INPP5A: variants seen among roughly 807,000 people sequenced by gnomAD.
INPP5A encodes inositol polyphosphate-5-phosphatase A.
Under a neutral mutation model 65.2 loss-of-function variants are expected in INPP5A, and 14 were observed. The ratio of observed to expected loss-of-function variants is 0.21; its 90% CI spans 0.14 to 0.34. The LOEUF is 0.34. Ranked by LOEUF, INPP5A falls within the 10% of genes least tolerant of loss-of-function variation. The probability of loss-of-function intolerance (pLI) is 1.00; values close to 1 mark genes in which losing one functional copy is unlikely to be tolerated. For missense variants in INPP5A, 431 were observed against 545.6 expected (o/e 0.79, Z 2.09); for synonymous variants, 207 against 208.3 (o/e 0.99, Z 0.05).
intron 4 of INPP5A, among the ~76,000 whole-genome samples, chr10:132,661,323 A>G (rs1167403863): frequency 1.3e-5 from 2 of 152,206 alleles, no homozygotes; most frequent in African/African-American, 4.8e-5. Flanking sequence ...ACTAACATAA[A>G]AATATTTTGA....
In INPP5A at chr10:132,650,580, A is replaced by C. The variant is rs1183061287; in HGVS notation, c.306+75A>C. The C allele has an allele frequency of 1.9e-6, 2 of 1,078,640 alleles. No homozygotes were observed. Among genetic ancestry groups the C allele is most frequent in the South Asian group, 1.3e-5 (1 of 79,908 alleles). 66.8% of individuals were successfully genotyped at this position (1,078,640 alleles called of 1,614,324 possible). A position where few individuals can be genotyped will look rare whatever the true frequency, so the allele number is the denominator to read the frequency against. The stretch of plus-strand genomic sequence containing the variant: ...CAGAAGCCAGCCCTTCTCCTGTGTA[A>C]ATGGAGAGAGGTCGGGGTGCTCCCT... On this transcript the variant is annotated intron_variant, in intron 4 of 15. Transcript: ENST00000368594. This position sits in a 1 kb window ranked among gnomAD's most constrained non-coding sequence, Gnocchi z 5.5.
intron 2 of INPP5A, among the ~76,000 whole-genome samples, chr10:132,635,687 G>A (rs1429090679): frequency 6.6e-6 from 1 of 151,798 alleles, no homozygotes; most frequent in Non-Finnish European, 1.5e-5. Context: ...GAGCCATTGC[G>A]CCCGGCCCTT....
chr10:132,646,837 CGCTCTGTGGGTTGACGCTGCTGCCAT>C (rs1407164234), intron 3 of INPP5A, among the ~76,000 whole-genome samples: 2 of 152,168 alleles, frequency 1.3e-5, no homozygotes, highest in Non-Finnish European at 2.9e-5. Context: ...GCTGCTGCCA[CGCTCTGTGGGTTGACGCTGCTGCCAT>C]GCTCTGTGGG....
At chr10:132,656,119 T>C (rs948478930) in intron 4 of INPP5A, among the ~76,000 whole-genome samples, 1 of 152,268 alleles carries the variant, frequency 6.6e-6, no homozygotes, top group Non-Finnish European at 1.5e-5. Flanking sequence ...TGCCCAGGAC[T>C]GTCCTGACCG....
intron 2 of INPP5A, among the ~76,000 whole-genome samples, chr10:132,629,859 G>A (rs1002996013): frequency 6.6e-6 from 1 of 152,154 alleles, no homozygotes; most frequent in Non-Finnish European, 1.5e-5. Flanking sequence ...GTGTCCTCCA[G>A]GGGAAGCTGC....
At chr10:132,612,947 C>T (rs921786932) in intron 2 of INPP5A, among the ~76,000 whole-genome samples, 4 of 152,194 alleles carry the variant, frequency 2.6e-5, no homozygotes, top group African/African-American at 7.2e-5. Flanking sequence ...CCCGCGCATT[C>T]GGGTCTCTGC....
intron 4 of INPP5A, among the ~76,000 whole-genome samples, chr10:132,662,428 T>C (rs2072748711): frequency 6.6e-6 from 1 of 152,124 alleles, no homozygotes; most frequent in Non-Finnish European, 1.5e-5. Context: ...GAGGGGACAG[T>C]CTGTGTACAC....
chr10:132,661,813 T>C (rs1415407037), intron 4 of INPP5A, among the ~76,000 whole-genome samples: 3 of 152,238 alleles, frequency 2.0e-5, no homozygotes, highest in Admixed American at 2.0e-4. Flanking sequence ...ATCAGTATAG[T>C]ATTGGCATAA....
chr10:132,588,101 A>G (rs1306290320), intron 1 of INPP5A, among the ~76,000 whole-genome samples: 1 of 150,702 alleles, frequency 6.6e-6, no homozygotes, highest in Non-Finnish European at 1.5e-5. Flanking sequence ...CCCTTTTCCC[A>G]GTGGATTCAG....
chr10:132,756,190 CAT>C (rs919680543), intron 11 of INPP5A, among the ~76,000 whole-genome samples: 13 of 152,210 alleles, frequency 8.5e-5, no homozygotes, highest in East Asian at 5.8e-4. Flanking sequence ...TGTGTGTACA[CAT>C]ATGTGTGTGC....
chr10:132,568,594 C>CA (rs113219823), intron 1 of INPP5A, among the ~76,000 whole-genome samples: 2,185 of 130,644 alleles, frequency 0.017, 22 homozygotes, highest in South Asian at 0.05. Flanking sequence ...ACTAAAAATA[C>CA]AAAAAAAAAA....
At chr10:132,690,603 C>CTGT in intron 5 of INPP5A, 148 bp downstream of exon 5, 1 of 626,130 alleles carries the variant, frequency 1.6e-6, no homozygotes. Context: ...ACTCCAGGGG[C>CTGT]CTCCTGGACC....
At chr10:132,567,823 G>T (rs2071290676) in intron 1 of INPP5A, among the ~76,000 whole-genome samples, 1 of 152,054 alleles carries the variant, frequency 6.6e-6, no homozygotes, top group Non-Finnish European at 1.5e-5. Flanking sequence ...GAATTATACT[G>T]AATTATATGC....
intron 14 of INPP5A, 50 bp from the exon 15 acceptor site, chr10:132,781,811 G>C: frequency 6.1e-6 from 9 of 1,470,968 alleles, no homozygotes; most frequent in Non-Finnish European, 8.6e-6. Context: ...GGCATGTGCT[G>C]TGCTGTCCCG....
intron 1 of INPP5A, among the ~76,000 whole-genome samples, chr10:132,561,422 T>C (rs771163467): frequency 3.3e-5 from 5 of 152,176 alleles, no homozygotes; most frequent in Non-Finnish European, 5.9e-5. Context: ...CATATCCATA[T>C]CTGGTTGTCT....
At chr10:132,683,446 T>TTA (rs907869123) in intron 4 of INPP5A, among the ~76,000 whole-genome samples, 25 of 152,240 alleles carry the variant, frequency 1.6e-4, no homozygotes, top group Admixed American at 5.9e-4. Context: ...AGCAAGGCTG[T>TTA]TATATATATA....
intron 1 of INPP5A, among the ~76,000 whole-genome samples, chr10:132,584,915 G>A (rs1199540457): frequency 6.6e-6 from 1 of 152,094 alleles, no homozygotes; most frequent in Admixed American, 6.6e-5. Context: ...TTGTAGAGAT[G>A]GGGGTTTCAC....
rs1214138553 is a variant in INPP5A at position 132,705,541 on chromosome 10, G to T, written c.475-2772G>T. Among the ~76,000 whole-genome samples, 1 of 152,246 alleles carries T rather than the reference G, an allele frequency of 6.6e-6. No homozygotes were observed. The highest frequency in any genetic ancestry group is 2.4e-5 in the African/African-American group (1 of 41,466). ...CCTCGACGAGTAGAGCCATAGCCTG[G>T]CGTCCAAGTGCGTGGCCAGGCCGGG... On this transcript the variant is annotated intron_variant, in intron 6 of 15. Coordinates refer to ENST00000368594, the MANE Select transcript of INPP5A (RefSeq NM_005539.5). This position sits in a 1 kb window ranked among gnomAD's most constrained non-coding sequence, Gnocchi z 4.9.
At position 132,706,294 on chromosome 10, in the gene INPP5A, C is replaced by A. The variant is rs1845536787; in HGVS notation, c.475-2019C>A. On this transcript the variant is annotated intron_variant, in intron 6 of 15. Coordinates refer to ENST00000368594, the MANE Select transcript of INPP5A (RefSeq NM_005539.5). This position sits in a 1 kb window ranked among gnomAD's most constrained non-coding sequence, Gnocchi z 4.7. ...GACTATTAAGAGGCTCAAATAAACT[C>A]AAAATAAATTCCAGAAAGAAGCAGT... Among the ~76,000 whole-genome samples the A allele has an allele frequency of 6.6e-6, 1 of 152,112 alleles. No homozygotes were observed. The highest frequency in any genetic ancestry group is 1.5e-5 in the Non-Finnish European group (1 of 68,014).
Sources: gnomAD v4.1 joint callset for allele counts (sites outside exome capture counted in the v4.1 genomes callset) on GRCh38, gnomAD v4.1.1 for gene constraint, Gnocchi (gnomAD v3.1) non-coding constraint, MANE v1.5 for transcripts, NCBI Gene and HGNC (gene_info 2026-07-23, HGNC 2026-07-21) for gene names.